The following TMEM132B variants were observed in gnomAD, a reference collection of about 807,000 sequenced individuals.
TMEM132B encodes transmembrane protein 132B.
A neutral mutation model predicts 90.8 loss-of-function variants in TMEM132B; 18 were observed. The observed-to-expected ratio is 0.20, with a 90% CI of 0.14 to 0.29. TMEM132B has a LOEUF of 0.29. Ranked by LOEUF, TMEM132B falls within the 10% of genes least tolerant of loss-of-function variation. The pLI is 1.00. For synonymous variants in TMEM132B, 504 were observed against 523.3 expected, an observed-to-expected ratio of 0.96 and a Z score of 0.50; for missense variants, 1,096 against 1,326.8, an observed-to-expected ratio of 0.83 and a Z score of 2.70.
intron 5 of TMEM132B, among the ~76,000 whole-genome samples, chr12:125,612,213 C>G (rs183662871): frequency 1.3e-5 from 2 of 152,048 alleles, no homozygotes; most frequent in African/African-American, 4.8e-5. Context: ...CGGTGGCTCA[C>G]GCCTATAATC....
chr12:125,580,764 C>G (rs998408001), intron 4 of TMEM132B, among the ~76,000 whole-genome samples: 3 of 152,172 alleles, frequency 2.0e-5, no homozygotes, highest in Admixed American at 1.3e-4. Context: ...GCCATTTTCA[C>G]TGACATCACC....
At chr12:125,264,965 T>A (rs1013568358) in intron 1 of TMEM132B, among the ~76,000 whole-genome samples, 2 of 152,240 alleles carry the variant, frequency 1.3e-5, no homozygotes, top group Non-Finnish European at 2.9e-5. Context: ...GTTTGGTGAT[T>A]TTGTCACTGT....
intron 4 of TMEM132B, among the ~76,000 whole-genome samples, chr12:125,535,156 A>G (rs1365420204): frequency 6.6e-6 from 1 of 152,230 alleles, no homozygotes; most frequent in Non-Finnish European, 1.5e-5. Flanking sequence ...CTTCTACTTA[A>G]TATTAATTTG....
In TMEM132B at chr12:125,609,248, T is replaced by C. The variant is rs1885768079; in HGVS notation, c.1437+25254T>C. On this transcript the variant is annotated intron_variant, in intron 5 of 8. Transcript: ENST00000682704. ...GAGCGAAACCATATCAGACCAAAAA[T>C]GTGTTTGTTTATTTAATTTCTATTC... Among the ~76,000 whole-genome samples, 2 of 152,080 alleles carry C rather than the reference T, an allele frequency of 1.3e-5. 1 individual carries two copies. The highest frequency in any genetic ancestry group is 1.3e-4 in the Admixed American group (2 of 15,276).
chr12:125,265,456 A>G (rs1252918985), intron 1 of TMEM132B, among the ~76,000 whole-genome samples: 1 of 152,342 alleles, frequency 6.6e-6, no homozygotes, highest in African/African-American at 2.4e-5. Context: ...CTGCCTCTCA[A>G]CATATCTCTT....
At chr12:125,516,256 G>A (rs752570813) in intron 3 of TMEM132B, among the ~76,000 whole-genome samples, 2 of 152,082 alleles carry the variant, frequency 1.3e-5, no homozygotes, top group African/African-American at 2.4e-5. Context: ...CTGAAACACC[G>A]ATCCTGATTC....
At position 125,287,040 on chromosome 12, in the gene TMEM132B, G is replaced by T. The variant is rs560358114; in HGVS notation, c.68-62412G>T. Among the ~76,000 whole-genome samples the T allele has an allele frequency of 4.7e-5, 7 of 150,458 alleles. No individual in the cohort carries two copies. In the South Asian group the frequency reaches 1.5e-3, roughly 32 times the overall value. On this transcript the variant is annotated intron_variant, in intron 1 of 8. Coordinates refer to ENST00000682704, the MANE Select transcript of TMEM132B (RefSeq NM_001366854.1). ...TTTTTTTTTTTTTCAGCTTTCTGGA[G>T]GCTGCTTGCATTCCTTGGCTCATGG...
chr12:125,242,686 G>A (rs1874100150), intron 1 of TMEM132B, among the ~76,000 whole-genome samples: 1 of 152,226 alleles, frequency 6.6e-6, no homozygotes, highest in African/African-American at 2.4e-5. Flanking sequence ...ACACTGGACA[G>A]TTCGGAGCCT....
intron 3 of TMEM132B, among the ~76,000 whole-genome samples, chr12:125,422,004 T>A (rs1199039738): frequency 6.6e-6 from 1 of 152,198 alleles, no homozygotes; most frequent in Admixed American, 6.5e-5. Flanking sequence ...TATAAAATAT[T>A]TTGTTGAAAG....
intron 1 of TMEM132B, among the ~76,000 whole-genome samples, chr12:125,311,613 TC>T (rs1876126395): frequency 6.6e-6 from 1 of 152,210 alleles, no homozygotes; most frequent in Admixed American, 6.5e-5. Flanking sequence ...GCTTCTAGCA[TC>T]TTGCTTCTCT....
chr12:125,339,189 G>T (rs1207227641), intron 1 of TMEM132B, among the ~76,000 whole-genome samples: 1 of 152,212 alleles, frequency 6.6e-6, no homozygotes, highest in Non-Finnish European at 1.5e-5. Context: ...GTATGAATTT[G>T]CTAGGGCTGC....
intron 1 of TMEM132B, among the ~76,000 whole-genome samples, chr12:125,199,408 C>A (rs1488192019): frequency 1.3e-5 from 2 of 152,066 alleles, no homozygotes; most frequent in Non-Finnish European, 2.9e-5. Context: ...TCCTGGGTCC[C>A]TGTTGGAGCA....
intron 7 of TMEM132B, among the ~76,000 whole-genome samples, chr12:125,652,205 T>C (rs186839112): frequency 7.4e-4 from 113 of 152,344 alleles, no homozygotes; most frequent in African/African-American, 2.6e-3. Flanking sequence ...TCAGAAAATA[T>C]ACTGCTGTTA....
chr12:125,484,110 G>A (rs560225709), intron 3 of TMEM132B, among the ~76,000 whole-genome samples: 48 of 152,134 alleles, frequency 3.2e-4, no homozygotes, highest in Non-Finnish European at 5.9e-4. Flanking sequence ...ATGTTGGCAA[G>A]GTTGGTCTCG....
chr12:125,598,482 A>T (rs904552196), intron 5 of TMEM132B, among the ~76,000 whole-genome samples: 2 of 152,204 alleles, frequency 1.3e-5, no homozygotes, highest in African/African-American at 4.8e-5. Flanking sequence ...GCCATCTGCA[A>T]CTTGCCTAAA....
At chr12:125,256,570 A>C (rs377431545) in intron 1 of TMEM132B, among the ~76,000 whole-genome samples, 27 of 152,354 alleles carry the variant, frequency 1.8e-4, no homozygotes, top group Admixed American at 1.5e-3. Flanking sequence ...GCAGAGATGA[A>C]TAGACGTGAC....
chr12:125,437,987 A>G (rs975068951), intron 3 of TMEM132B, among the ~76,000 whole-genome samples: 2 of 152,200 alleles, frequency 1.3e-5, no homozygotes, highest in African/African-American at 4.8e-5. Context: ...AAAATAAAAC[A>G]ACAAAAAGGG....
chr12:125,255,386 G>A (rs1874416488), intron 1 of TMEM132B, among the ~76,000 whole-genome samples: 1 of 152,140 alleles, frequency 6.6e-6, no homozygotes, highest in South Asian at 2.1e-4. Context: ...CCACGGGGGC[G>A]GCATGGCTGT....
At chr12:125,591,684 G>C (rs545687392) in intron 5 of TMEM132B, among the ~76,000 whole-genome samples, 27 of 152,252 alleles carry the variant, frequency 1.8e-4, no homozygotes, top group African/African-American at 3.9e-4. Flanking sequence ...CCCTCTAAAG[G>C]CTCTAGAGGA....
Sources: allele counts gnomAD v4.1 joint callset (sites outside exome capture counted in the v4.1 genomes callset), GRCh38; gene constraint gnomAD v4.1.1; transcripts MANE v1.5; gene names NCBI Gene and HGNC (gene_info 2026-07-23, HGNC 2026-07-21).